PTPRT: variants seen among roughly 807,000 people sequenced by gnomAD.
The protein encoded by PTPRT is protein tyrosine phosphatase receptor type T.
PTPRT carries 56 observed loss-of-function variants against 176.8 expected under a neutral mutation model. The observed-to-expected ratio is 0.32, with a 90% CI of 0.26 to 0.40. The LOEUF is 0.40. Ranked by LOEUF, PTPRT falls within the 10% of genes least tolerant of loss-of-function variation. The probability of loss-of-function intolerance (pLI) is 1.00; values close to 1 mark genes in which losing one functional copy is unlikely to be tolerated. For synonymous variants in PTPRT, 783 were observed against 739.0 expected (o/e 1.06, Z -0.96); for missense variants, 1,540 against 1,908.2 (o/e 0.81, Z 3.60).
At chr20:42,832,376 G>A (rs559494994) in intron 2 of PTPRT, among the ~76,000 whole-genome samples, 3 of 152,210 alleles carry the variant, frequency 2.0e-5, no homozygotes, top group Non-Finnish European at 4.4e-5. Context: ...GAGAGGGAGA[G>A]GAGGGAGGGG....
chr20:42,659,926 G>A (rs769937065), intron 7 of PTPRT, among the ~76,000 whole-genome samples: 6 of 152,120 alleles, frequency 3.9e-5, no homozygotes, highest in Admixed American at 2.6e-4. Context: ...GTGAACAGAC[G>A]GCAGGAGTCA....
chr20:42,100,935 T>G (rs569156727), intron 26 of PTPRT, among the ~76,000 whole-genome samples: 1 of 152,168 alleles, frequency 6.6e-6, no homozygotes, highest in South Asian at 2.1e-4. Flanking sequence ...AGAGCTGGGA[T>G]AGGCATTGAC....
chr20:42,138,272 C>T (rs1310465004), intron 18 of PTPRT, among the ~76,000 whole-genome samples: 2 of 152,352 alleles, frequency 1.3e-5, no homozygotes, highest in South Asian at 2.1e-4. Context: ...AAAGCACAGG[C>T]AGAAGATTGG....
chr20:42,128,858 T>A (rs774867467), intron 18 of PTPRT, 28 bp from the exon 19 acceptor site: 1 of 1,583,122 alleles, frequency 6.3e-7, no homozygotes, highest in Non-Finnish European at 8.6e-7. Context: ...ATCAAGGGGA[T>A]GGTTGATAAG....
chr20:42,657,302 G>C (rs1246806138), intron 7 of PTPRT, among the ~76,000 whole-genome samples: 1 of 152,100 alleles, frequency 6.6e-6, no homozygotes, highest in African/African-American at 2.4e-5. Flanking sequence ...GTGTGAGGAC[G>C]GACTAATACA....
chr20:43,075,484 G>A (rs1195212500), intron 1 of PTPRT, among the ~76,000 whole-genome samples: 1 of 152,238 alleles, frequency 6.6e-6, no homozygotes, highest in African/African-American at 2.4e-5. Context: ...CACTCGTCAG[G>A]TTCCATCCCA....
intron 15 of PTPRT, among the ~76,000 whole-genome samples, chr20:42,215,449 G>T (rs1211385293): frequency 6.6e-6 from 1 of 152,182 alleles, no homozygotes; most frequent in Non-Finnish European, 1.5e-5. Context: ...TGCAACAAAT[G>T]CTAGTTCTTT....
At chr20:42,362,006 T>C (rs1055451365) in intron 9 of PTPRT, among the ~76,000 whole-genome samples, 2 of 152,222 alleles carry the variant, frequency 1.3e-5, no homozygotes, top group Admixed American at 6.5e-5. Flanking sequence ...AAATACATGC[T>C]ACATTCTTAG....
intron 1 of PTPRT, among the ~76,000 whole-genome samples, chr20:43,062,523 G>A (rs1987510496): frequency 6.6e-6 from 1 of 152,140 alleles, no homozygotes; most frequent in Admixed American, 6.5e-5. Flanking sequence ...TCACTTCGCT[G>A]GGAGATCTTG....
intron 2 of PTPRT, among the ~76,000 whole-genome samples, chr20:42,828,307 AG>A (rs1006243704): frequency 3.3e-5 from 5 of 152,218 alleles, no homozygotes; most frequent in Non-Finnish European, 7.3e-5. Flanking sequence ...TGAAACTGAG[AG>A]AGATAATTTA....
At chr20:42,632,294 A>G (rs2074425611) in intron 7 of PTPRT, among the ~76,000 whole-genome samples, 1 of 152,144 alleles carries the variant, frequency 6.6e-6, no homozygotes, top group Admixed American at 6.5e-5. Flanking sequence ...GCTGCAGTGC[A>G]GTGGTGCGAT....
chr20:42,785,899 C>T (rs1460484978), intron 3 of PTPRT, among the ~76,000 whole-genome samples: 1 of 152,138 alleles, frequency 6.6e-6, no homozygotes, highest in Non-Finnish European at 1.5e-5. Flanking sequence ...CATGGTTTGG[C>T]TCTGTGTCCC....
intron 6 of PTPRT, among the ~76,000 whole-genome samples, chr20:42,720,009 G>A (rs1228943799): frequency 1.3e-5 from 2 of 152,178 alleles, no homozygotes; most frequent in Admixed American, 6.5e-5. Context: ...GACAATCGGT[G>A]CAGATACTAG....
At chr20:43,126,057 TGAAAA>T (rs1243985476) in intron 1 of PTPRT, among the ~76,000 whole-genome samples, 1 of 152,116 alleles carries the variant, frequency 6.6e-6, no homozygotes, top group African/African-American at 2.4e-5. Context: ...TGCTTAAAGA[TGAAAA>T]GAAAGGACCG....
intron 7 of PTPRT, among the ~76,000 whole-genome samples, chr20:42,505,084 G>T (rs1385558434): frequency 7.6e-6 from 1 of 130,842 alleles, no homozygotes; most frequent in African/African-American, 4.1e-5. Context: ...TACTGAACTT[G>T]CTCTTCCCTT....
At chr20:42,827,249 T>C (rs1042492404) in intron 2 of PTPRT, among the ~76,000 whole-genome samples, 3 of 152,136 alleles carry the variant, frequency 2.0e-5, no homozygotes, top group African/African-American at 7.2e-5. Context: ...CAACAGAATA[T>C]ACATTCTTCT....
At chr20:42,663,474 G>C (rs1036568402) in intron 7 of PTPRT, among the ~76,000 whole-genome samples, 1 of 152,168 alleles carries the variant, frequency 6.6e-6, no homozygotes, top group Admixed American at 6.5e-5. Context: ...CGGCAGGGTG[G>C]TGTGGAAGGG....
intron 7 of PTPRT, among the ~76,000 whole-genome samples, chr20:42,585,387 A>G (rs1297688371): frequency 6.6e-6 from 1 of 152,190 alleles, no homozygotes; most frequent in Non-Finnish European, 1.5e-5. Flanking sequence ...TGCATATAGA[A>G]TATTTTACTG....
intron 19 of PTPRT, among the ~76,000 whole-genome samples, chr20:42,128,283 C>A (rs1987956163): frequency 1.3e-5 from 2 of 152,132 alleles, no homozygotes; most frequent in African/African-American, 4.8e-5. Context: ...AGCATGTTAT[C>A]TGTACTTTTG....
Sources: allele counts gnomAD v4.1 joint callset (sites outside exome capture counted in the v4.1 genomes callset), GRCh38; gene constraint gnomAD v4.1.1; transcripts MANE v1.5; gene names NCBI Gene and HGNC (gene_info 2026-07-23, HGNC 2026-07-21).